The following CENPP variants were observed in gnomAD, a reference collection of about 807,000 sequenced individuals.
CENPP encodes the protein centromere protein P.
A neutral mutation model predicts 35.6 loss-of-function variants in CENPP; 24 were observed. The observed-to-expected ratio is 0.67, with a 90% CI of 0.49 to 0.95. CENPP has a LOEUF of 0.95. Ranked by LOEUF, CENPP falls within the 40% of genes least tolerant of loss-of-function variation. CENPP has a pLI of 0.00. For missense variants in CENPP, 332 were observed against 345.3 expected (o/e 0.96, Z 0.31); for synonymous variants, 120 against 125.5 (o/e 0.96, Z 0.29).
chr9:92,520,431 A>G (rs1043217882), intron 5 of CENPP, among the ~76,000 whole-genome samples: 1 of 152,354 alleles, frequency 6.6e-6, no homozygotes. Context: ...ACCACTTCAT[A>G]CAAGAACAGC....
intron 5 of CENPP, among the ~76,000 whole-genome samples, chr9:92,440,570 T>C (rs1844361073): frequency 6.6e-6 from 1 of 152,092 alleles, no homozygotes; most frequent in East Asian, 1.9e-4. Flanking sequence ...AGAAAAAGAA[T>C]GGTATGGTAA....
intron 5 of CENPP, among the ~76,000 whole-genome samples, chr9:92,400,160 G>T: frequency 6.6e-6 from 1 of 151,562 alleles, no homozygotes. Flanking sequence ...TTTTGTTTTT[G>T]TTTTTTTTGA....
rs1337701495 is a variant in CENPP at position 92,614,800 on chromosome 9, G to A, written c.*1651G>A. On this transcript the variant is annotated 3_prime_UTR_variant, in exon 8 of 8. Transcript: ENST00000375587. ...ATTCCCAACGTTTTTCATAGCAGCC[G>A]GGCACACTTTGGTGACCCCAACGAG... The A allele has an allele frequency of 2.6e-5, 4 of 152,540 alleles. No individual in the cohort carries two copies. The highest frequency in any genetic ancestry group is 4.2e-4 in the South Asian group (2 of 4,818). 9.4% of individuals were successfully genotyped at this position (152,540 alleles called of 1,614,324 possible).
At chr9:92,416,010 AAG>A (rs1347905774) in intron 5 of CENPP, among the ~76,000 whole-genome samples, 2 of 145,218 alleles carry the variant, frequency 1.4e-5, no homozygotes, top group Admixed American at 7.0e-5. Flanking sequence ...ATATATATAA[AAG>A]AGAATATATA....
intron 5 of CENPP, among the ~76,000 whole-genome samples, chr9:92,396,637 C>T (rs1429038078): frequency 6.6e-6 from 1 of 150,720 alleles, no homozygotes; most frequent in African/African-American, 2.4e-5. Context: ...GATCATGGTT[C>T]ACTGCAAACC....
At chr9:92,432,295 A>G (rs1193620935) in intron 5 of CENPP, among the ~76,000 whole-genome samples, 1 of 152,074 alleles carries the variant, frequency 6.6e-6, no homozygotes, top group East Asian at 1.9e-4. Context: ...ATTGCACTCC[A>G]GCCTGGGCGA....
At chr9:92,404,492 C>T (rs1262143130) in intron 5 of CENPP, 2 of 1,283,062 alleles carry the variant, frequency 1.6e-6, no homozygotes, top group East Asian at 6.0e-5. Context: ...AAAAGTAAGC[C>T]TACCGTTGTA....
At chr9:92,483,480 G>A (rs1306873445) in intron 5 of CENPP, among the ~76,000 whole-genome samples, 2 of 151,984 alleles carry the variant, frequency 1.3e-5, no homozygotes, top group Non-Finnish European at 2.9e-5. Context: ...TGCCCGCCTC[G>A]GCCTCCCAAA....
chr9:92,497,245 AG>A (rs778288392), intron 5 of CENPP, among the ~76,000 whole-genome samples: 63 of 152,340 alleles, frequency 4.1e-4, no homozygotes, highest in Non-Finnish European at 5.9e-4. Context: ...AATAAAATAT[AG>A]TATATCTGCA....
intron 5 of CENPP, chr9:92,456,644 T>C (rs977255401): frequency 6.6e-6 from 1 of 152,398 alleles, no homozygotes; most frequent in Non-Finnish European, 1.5e-5. Flanking sequence ...AAGCATATGC[T>C]ATAGCCCCAA....
intron 5 of CENPP, among the ~76,000 whole-genome samples, chr9:92,420,082 A>G (rs943503882): frequency 6.6e-6 from 1 of 152,040 alleles, no homozygotes; most frequent in Non-Finnish European, 1.5e-5. Flanking sequence ...ACTTTCCTTC[A>G]TTCTTCCTCA....
chr9:92,538,851 A>G (rs557441060), intron 5 of CENPP, among the ~76,000 whole-genome samples: 1 of 152,214 alleles, frequency 6.6e-6, no homozygotes, highest in African/African-American at 2.4e-5. Context: ...GCCTATGAAG[A>G]TTTAGACTCT....
At chr9:92,456,860 T>C in intron 5 of CENPP, 27 of 705,818 alleles carry the variant, frequency 3.8e-5, no homozygotes, top group Non-Finnish European at 4.7e-5. Context: ...TGTAATGCAC[T>C]CTTCACATTA....
chr9:92,494,165 G>A (rs759813548), intron 5 of CENPP: 9 of 1,596,046 alleles, frequency 5.6e-6, no homozygotes, highest in Non-Finnish European at 6.8e-6. Context: ...TAAAGTCAGA[G>A]TAAGAAATGA....
chr9:92,554,434 C>A (rs1849677513), intron 5 of CENPP, among the ~76,000 whole-genome samples: 1 of 152,176 alleles, frequency 6.6e-6, no homozygotes, highest in African/African-American at 2.4e-5. Context: ...CCACCCGCAT[C>A]ACCCTCCCAA....
intron 5 of CENPP, among the ~76,000 whole-genome samples, chr9:92,558,752 C>T (rs1849780634): frequency 6.6e-6 from 1 of 151,940 alleles, no homozygotes; most frequent in African/African-American, 2.4e-5. Context: ...AGGAAAGGAC[C>T]ATCAGGTGGG....
chr9:92,461,546 C>T (rs1230941285), intron 5 of CENPP, among the ~76,000 whole-genome samples: 1 of 152,164 alleles, frequency 6.6e-6, no homozygotes, highest in Admixed American at 6.6e-5. Flanking sequence ...ATTTGGCTGA[C>T]AGCTTCCATG....
At position 92,419,552 on chromosome 9, in the gene CENPP, G is replaced by A. The variant is rs370763134; in HGVS notation, c.564+39693G>A. On this transcript the variant is annotated intron_variant, in intron 5 of 7. Transcript: ENST00000375587. ...CTGACCTCATGATCCACCCACCTTG[G>A]GCTCCCAAAGTGCTGGGATTACGGG... Among the ~76,000 whole-genome samples the A allele has an allele frequency of 1.8e-4, 27 of 152,064 alleles. 1 individual carries two copies. The South Asian group carries it at 5.6e-3, about 32-fold the overall frequency.
At chr9:92,522,791 G>A in intron 5 of CENPP, 3 of 1,613,408 alleles carry the variant, frequency 1.9e-6, no homozygotes, top group Middle Eastern at 3.3e-4. Flanking sequence ...TGCTTCCTAG[G>A]AATTTCTTCA....
Sources: gnomAD v4.1 joint callset for allele counts (sites outside exome capture counted in the v4.1 genomes callset) on GRCh38, gnomAD v4.1.1 for gene constraint, MANE v1.5 for transcripts, NCBI Gene and HGNC (gene_info 2026-07-23, HGNC 2026-07-21) for gene names.